PCCA: variants seen among roughly 807,000 people sequenced by gnomAD.
PCCA encodes propionyl-CoA carboxylase alpha chain, mitochondrial.
Under a neutral mutation model 101.3 loss-of-function variants are expected in PCCA, and 74 were observed. That is an observed-to-expected ratio of 0.73 (90% CI 0.61 to 0.89). PCCA has a LOEUF of 0.89. Among genes scored for constraint, PCCA ranks in the 40% least tolerant of loss-of-function variants. The pLI is 0.00. For synonymous variants in PCCA, 294 were observed against 313.6 expected, an observed-to-expected ratio of 0.94 and a Z score of 0.66; for missense variants, 891 against 907.0, an observed-to-expected ratio of 0.98 and a Z score of 0.23.
intron 2 of PCCA, chr13:100,104,467 C>A (rs2047570545): frequency 1.3e-5 from 2 of 152,122 alleles, no homozygotes; most frequent in Non-Finnish European, 2.9e-5. Context: ...CTCACAGGAT[C>A]TTAAGATCTT....
chr13:100,236,654 G>C (rs1366224754), intron 8 of PCCA: 2 of 151,978 alleles, frequency 1.3e-5, no homozygotes, highest in African/African-American at 4.8e-5. Flanking sequence ...TAGAGATGGA[G>C]TTTCACTATG....
At chr13:100,272,708 C>A (rs1319585739) in intron 11 of PCCA, among the ~76,000 whole-genome samples, 1 of 152,194 alleles carries the variant, frequency 6.6e-6, no homozygotes, top group Non-Finnish European at 1.5e-5. Context: ...TTTTTCACCT[C>A]TCTGCACTTG....
At chr13:100,321,631 G>A (rs1371286171) in intron 16 of PCCA, among the ~76,000 whole-genome samples, 2 of 118,368 alleles carry the variant, frequency 1.7e-5, no homozygotes, top group Non-Finnish European at 3.7e-5. Flanking sequence ...GTGTGTGTGT[G>A]TGTGTACATA....
intron 6 of PCCA, 147 bp from the exon 7 acceptor site, chr13:100,209,185 A>T (rs1342506069): frequency 3.0e-6 from 2 of 672,546 alleles, no homozygotes; most frequent in Admixed American, 2.5e-5. Flanking sequence ...GCAATATAGT[A>T]TTTTAATGTG....
chr13:100,151,576 C>T, intron 4 of PCCA, among the ~76,000 whole-genome samples: 1 of 148,878 alleles, frequency 6.7e-6, no homozygotes, highest in Admixed American at 6.7e-5. Flanking sequence ...TGGGCAAGAG[C>T]AAAAACTCTG....
In PCCA at chr13:100,262,730, G is replaced by A; in HGVS notation, c.718G>A (p.Asp240Asn). 6.6e-7 allele frequency: 1 copy of A among 1,520,782 alleles called. No individual in the cohort carries two copies. Among genetic ancestry groups the A allele is most frequent in the South Asian group, 1.1e-5 (1 of 88,210 alleles). The allele number at this position is 1,520,782 out of a possible 1,614,324, so 94.2% of individuals were successfully genotyped here. Residue 240 changes from aspartate to asparagine, a missense_variant and splice_region_variant, in exon 10 of 24, where the codon GAT becomes AAT. Physicochemically the swap from Asp to Asn is conservative, Grantham distance 23. Transcript: ENST00000376285. ...CCTTCTTCCTTCTTTTTTTCACAGGGATGGTTTTAGATTGTCATCTCAAGA... is the reference window on the plus strand; with the variant it reads ...CCTTCTTCCTTCTTTTTTTCACAGGAATGGTTTTAGATTGTCATCTCAAGA... ...RIAWDDEETR[D>N]GFRLSSQEAA...
intron 18 of PCCA, among the ~76,000 whole-genome samples, chr13:100,352,958 C>A (rs1188843524): frequency 6.6e-6 from 1 of 152,176 alleles, no homozygotes; most frequent in Non-Finnish European, 1.5e-5. Flanking sequence ...CTCAAGTAAT[C>A]CTTACGCCTC....
intron 7 of PCCA, among the ~76,000 whole-genome samples, chr13:100,219,894 C>T (rs1466832001): frequency 6.6e-6 from 1 of 152,288 alleles, no homozygotes; most frequent in East Asian, 1.9e-4. Context: ...CTAGTTTTAT[C>T]TTCAAGGGTA....
intron 1 of PCCA, among the ~76,000 whole-genome samples, chr13:100,101,911 A>C (rs146775988): frequency 1.7e-3 from 254 of 152,336 alleles, no homozygotes; most frequent in African/African-American, 5.8e-3. Flanking sequence ...CTCTTTAAAA[A>C]ATAGTTGTAC....
chr13:100,256,558 T>C (rs2062090500), intron 8 of PCCA, among the ~76,000 whole-genome samples: 1 of 152,180 alleles, frequency 6.6e-6, no homozygotes, highest in Admixed American at 6.5e-5. Flanking sequence ...TATAAAACGC[T>C]TAGGAAGCAG....
intron 19 of PCCA, among the ~76,000 whole-genome samples, chr13:100,380,543 A>G (rs111751601): frequency 0.014 from 2,203 of 152,348 alleles, 51 homozygotes; most frequent in African/African-American, 0.049. Context: ...ATATATGGTC[A>G]ATTGATCTTT....
chr13:100,319,692 C>T (rs1170866335), intron 16 of PCCA, among the ~76,000 whole-genome samples: 1 of 152,064 alleles, frequency 6.6e-6, no homozygotes, highest in Non-Finnish European at 1.5e-5. Flanking sequence ...TCCATTGGTC[C>T]ATATGTCTGT....
At chr13:100,472,821 A>G (rs1218239479) in intron 21 of PCCA, among the ~76,000 whole-genome samples, 1 of 151,996 alleles carries the variant, frequency 6.6e-6, no homozygotes, top group Non-Finnish European at 1.5e-5. Flanking sequence ...TGGGAGAGGC[A>G]GTGTCTTTCT....
At chr13:100,127,241 G>C (rs951800893) in intron 4 of PCCA, among the ~76,000 whole-genome samples, 2 of 151,990 alleles carry the variant, frequency 1.3e-5, no homozygotes, top group African/African-American at 4.8e-5. Context: ...AAACCATCCA[G>C]CTTTTTTTAA....
intron 2 of PCCA, 102 bp downstream of exon 2, chr13:100,103,062 G>A (rs2047420604): frequency 1.3e-6 from 1 of 775,168 alleles, no homozygotes; most frequent in Non-Finnish European, 2.3e-6. Context: ...ATTTTGTTAA[G>A]GCTGTGTGGT....
At chr13:100,261,429 A>G (rs547405038) in intron 9 of PCCA, among the ~76,000 whole-genome samples, 1 of 151,274 alleles carries the variant, frequency 6.6e-6, no homozygotes, top group South Asian at 2.1e-4. Context: ...GCAGTGACAT[A>G]ATTTCTGCCC....
Position 100,443,229 on chromosome 13 carries a change from A to G in PCCA, c.1846-6023A>G, listed in dbSNP as rs2080511327. ...ATTACATTTTTAAATAGTTGGGGGA[A>G]AAAATTAAAGAAGAATGTTTCATCC... On this transcript the variant is annotated intron_variant, in intron 20 of 23. Transcript: ENST00000376285. Among the ~76,000 whole-genome samples, 3 of 152,070 alleles carry G rather than the reference A, an allele frequency of 2.0e-5. No homozygotes were observed. The South Asian group carries it at 6.2e-4, about 32-fold the overall frequency.
intron 19 of PCCA, among the ~76,000 whole-genome samples, chr13:100,385,082 A>G (rs572247366): frequency 6.6e-6 from 1 of 152,222 alleles, no homozygotes; most frequent in East Asian, 1.9e-4. Flanking sequence ...CTACCCCTCT[A>G]CCTTTAAAAA....
chr13:100,276,730 C>T (rs1392136653), intron 12 of PCCA, among the ~76,000 whole-genome samples: 1 of 151,914 alleles, frequency 6.6e-6, no homozygotes, highest in Non-Finnish European at 1.5e-5. Context: ...TCTGAAATTT[C>T]TATTTGGTTC....
Sources: allele counts gnomAD v4.1 joint callset (sites outside exome capture counted in the v4.1 genomes callset), GRCh38; gene constraint gnomAD v4.1.1; transcripts MANE v1.5; gene names NCBI Gene and HGNC (gene_info 2026-07-23, HGNC 2026-07-21).